Variants in C19orf44 observed in about 807,000 individuals in gnomAD.
C19orf44 encodes chromosome 19 open reading frame 44.
A neutral mutation model predicts 50.7 loss-of-function variants in C19orf44; 43 were observed. The ratio of observed to expected loss-of-function variants is 0.85; its 90% CI spans 0.66 to 1.09. C19orf44 has a LOEUF of 1.09. Among genes scored for constraint, C19orf44 ranks in the 50% least tolerant of loss-of-function variants. The pLI, the probability that C19orf44 is intolerant of heterozygous loss-of-function variation, is 0.00. For missense variants in C19orf44, 722 were observed against 836.2 expected (o/e 0.86, Z 1.68); for synonymous variants, 298 against 334.7 (o/e 0.89, Z 1.20).
chr19:16,520,397 G>C lies in C19orf44; in HGVS notation c.*344G>C. On this transcript the variant is annotated 3_prime_UTR_variant, in exon 9 of 9. Transcript: ENST00000221671. This position sits in a 1 kb window ranked among gnomAD's most constrained non-coding sequence, Gnocchi z 4.0. The stretch of plus-strand genomic sequence containing the variant: ...GGAGCGGGAGTAGGAACGGGAGCAG[G>C]AGCGCGACCTTGACCTTGAGTACGA... The C allele has an allele frequency of 6.2e-7, 1 of 1,614,130 alleles. No homozygotes were observed. The highest frequency in any genetic ancestry group is 1.1e-5 in the South Asian group (1 of 91,086).
rs766122582 is a variant in C19orf44, at chr19:16,509,993, GCCTTGGGGC to G, written c.1639+8_1639+16del. The G allele has an allele frequency of 2.8e-5, 45 of 1,614,088 alleles. No individual in the cohort carries two copies. Among genetic ancestry groups the G allele is most frequent in the Middle Eastern group, 3.3e-4 (2 of 6,084 alleles). ...TCACCTACGAGTGGACCAAGGGTAAGCCTTGGGGCCCGTGGGGGCCGGGGCAGCCGGGAC... is the reference window on the plus strand; with the variant it reads ...TCACCTACGAGTGGACCAAGGGTAAGCCGTGGGGGCCGGGGCAGCCGGGAC... On this transcript the variant is annotated splice_donor_region_variant and intron_variant, in intron 5 of 8. Coordinates refer to ENST00000221671, the MANE Select transcript of C19orf44 (RefSeq NM_032207.4).
chr19:16,503,880 TG>T (rs1343027298), intron 3 of C19orf44, among the ~76,000 whole-genome samples: 2 of 152,154 alleles, frequency 1.3e-5, no homozygotes, highest in East Asian at 3.9e-4. Context: ...ACTCATCTCT[TG>T]AGTCAATTTA....
intron 8 of C19orf44, among the ~76,000 whole-genome samples, chr19:16,517,692 T>C (rs924684102): frequency 2.0e-5 from 3 of 150,944 alleles, no homozygotes; most frequent in Admixed American, 2.0e-4. Flanking sequence ...GGTCCTGGCA[T>C]CCCAGTGAGC....
chr19:16,515,513 T>C lies in C19orf44; in HGVS notation c.1902+850T>C, dbSNP rs372233767. ...CTCCTTCAGACTCTTGTATGAACCA[T>C]AGTATGCGTATTTCTTTTTTTTAAA... On this transcript the variant is annotated intron_variant, in intron 7 of 8. Transcript: ENST00000221671. Among the ~76,000 whole-genome samples the C allele has an allele frequency of 4.6e-5, 7 of 152,244 alleles. No individual in the cohort carries two copies. The South Asian group carries it at 1.0e-3, about 23-fold the overall frequency.
Position 16,519,292 on chromosome 19 carries a change from C to T in C19orf44, c.*41-802C>T. ...GTCCCACTTATCCCGGACGTCCCCG[C>T]CCTTGATGGGGTCCTGGATCCCTTG... On this transcript the variant is annotated intron_variant, in intron 8 of 8. Coordinates refer to ENST00000221671, the MANE Select transcript of C19orf44 (RefSeq NM_032207.4). This position sits in a 1 kb window ranked among gnomAD's most constrained non-coding sequence, Gnocchi z 6.0. 1 of 1,613,992 alleles carries T rather than the reference C, an allele frequency of 6.2e-7. No individual in the cohort carries two copies. Among genetic ancestry groups the T allele is most frequent in the Non-Finnish European group, 8.5e-7 (1 of 1,180,020 alleles).
In C19orf44 at chr19:16,520,032, C is replaced by T. The variant is rs992212583; in HGVS notation, c.*41-62C>T. 24 of 1,088,860 alleles carry T rather than the reference C, an allele frequency of 2.2e-5. No homozygotes were observed. Among genetic ancestry groups the T allele is most frequent in the African/African-American group, 2.2e-4 (14 of 64,154 alleles). The allele number at this position is 1,088,860 out of a possible 1,614,324, so 67.4% of individuals were successfully genotyped here. On this transcript the variant is annotated intron_variant, in intron 8 of 8. Coordinates refer to ENST00000221671, the MANE Select transcript of C19orf44 (RefSeq NM_032207.4). This position sits in a 1 kb window ranked among gnomAD's most constrained non-coding sequence, Gnocchi z 4.0. ...GAAGGGTGAGGGGTGCCACTGTCCC[C>T]GGGCTAATGCTGGCGGCCTCCTAAC...
Position 16,519,531 on chromosome 19 carries a change from A to C in C19orf44, c.*41-563A>C, listed in dbSNP as rs2085586930. ...AACCGGCCTGACTCCATCCATCCCCACATGCACTGAGGAAGAGAAAGCGCT... is the reference window on the plus strand; with the variant it reads ...AACCGGCCTGACTCCATCCATCCCCCCATGCACTGAGGAAGAGAAAGCGCT... On this transcript the variant is annotated intron_variant, in intron 8 of 8. Coordinates refer to ENST00000221671, the MANE Select transcript of C19orf44 (RefSeq NM_032207.4). The surrounding 1 kb of genome is among the most constrained non-coding windows in gnomAD (Gnocchi z 6.0). 1 of 1,321,084 alleles carries C rather than the reference A, an allele frequency of 7.6e-7. No homozygotes were observed. Among genetic ancestry groups the C allele is most frequent in the African/African-American group, 1.4e-5 (1 of 68,972 alleles). 81.8% of individuals were successfully genotyped at this position (1,321,084 alleles called of 1,614,324 possible).
At chr19:16,505,158 C>T (rs1327530723) in intron 3 of C19orf44, among the ~76,000 whole-genome samples, 2 of 151,952 alleles carry the variant, frequency 1.3e-5, no homozygotes, top group Non-Finnish European at 2.9e-5. Context: ...ATCTGTTCTC[C>T]TCAGCCTCCC....
intron 7 of C19orf44, among the ~76,000 whole-genome samples, chr19:16,516,285 G>T (rs2093471537): frequency 1.3e-5 from 2 of 152,014 alleles, no homozygotes; most frequent in Non-Finnish European, 2.9e-5. Flanking sequence ...AAAAATACAA[G>T]AAAACTAGTT....
At chr19:16,517,448 G>GACAC (rs142142968) in intron 8 of C19orf44, 107 bp downstream of exon 8, 7 of 719,304 alleles carry the variant, frequency 9.7e-6, no homozygotes, top group African/African-American at 5.3e-5. Flanking sequence ...TGGGGTGATG[G>GACAC]ACACACACAC....
intron 2 of C19orf44, among the ~76,000 whole-genome samples, chr19:16,501,818 C>T (rs891559028): frequency 2.6e-5 from 4 of 151,408 alleles, no homozygotes; most frequent in African/African-American, 7.3e-5. Context: ...GTTGAACTTC[C>T]GATCTCAGGT....
rs183547698 is a variant in C19orf44, at chr19:16,505,724, C to T, written c.1076-977C>T. The stretch of plus-strand genomic sequence containing the variant: ...TTGAGACGGAGCCTTGCTCTGTCAC[C>T]CGGGCTGGAGTGCAGTGGCATGATC... On this transcript the variant is annotated intron_variant, in intron 3 of 8. Transcript: ENST00000221671. Among the ~76,000 whole-genome samples the T allele has an allele frequency of 1.8e-3, 271 of 152,162 alleles. 1 individual carries two copies. The highest frequency in any genetic ancestry group is 2.6e-3 in the Non-Finnish European group (176 of 68,000).
rs533848032 is a variant in C19orf44 at position 16,496,414 on chromosome 19, C to T, written c.-53C>T. 596 of 485,056 alleles carry T rather than the reference C, an allele frequency of 1.2e-3. 13 individuals carry two copies. The highest frequency in any genetic ancestry group is 0.011 in the South Asian group (471 of 44,514). 30.0% of individuals were successfully genotyped at this position (485,056 alleles called of 1,614,324 possible). On this transcript the variant is annotated 5_prime_UTR_variant, in exon 1 of 9. Coordinates refer to ENST00000221671, the MANE Select transcript of C19orf44 (RefSeq NM_032207.4). ...GCTCTGTTGCCCAGGGCAACCGCTCCTTCAGGCGTGAATGTGGCGGCTGCC... is the reference window on the plus strand; with the variant it reads ...GCTCTGTTGCCCAGGGCAACCGCTCTTTCAGGCGTGAATGTGGCGGCTGCC...
At chr19:16,513,440 G>A (rs906346552) in intron 6 of C19orf44, among the ~76,000 whole-genome samples, 1 of 152,132 alleles carries the variant, frequency 6.6e-6, no homozygotes, top group Non-Finnish European at 1.5e-5. Flanking sequence ...CTGGAGTGCA[G>A]TGGCGCGATC....
rs199951473 is a variant in C19orf44, at chr19:16,520,199, C to A, written c.*146C>A. On this transcript the variant is annotated 3_prime_UTR_variant, in exon 9 of 9. Transcript: ENST00000221671. The surrounding 1 kb of genome is among the most constrained non-coding windows in gnomAD (Gnocchi z 4.0). The stretch of plus-strand genomic sequence containing the variant: ...ACCGGCGTCTTCTTCCTGGGGAGTA[C>A]GACTTGGACCGGGACCGCGACTGGG... 7 of 1,613,274 alleles carry A rather than the reference C, an allele frequency of 4.3e-6. No homozygotes were observed. The Admixed American group carries it at 1.0e-4, about 23-fold the overall frequency.
At position 16,519,976 on chromosome 19, in the gene C19orf44, G is replaced by A. The variant is rs2085593560; in HGVS notation, c.*41-118G>A. ...GGTTAGAAAGCAGACCCCAGTTACTGCCTCAGGCTTCGCCAAGTGGCTACT... is the reference window on the plus strand; with the variant it reads ...GGTTAGAAAGCAGACCCCAGTTACTACCTCAGGCTTCGCCAAGTGGCTACT... On this transcript the variant is annotated intron_variant, in intron 8 of 8. Coordinates refer to ENST00000221671, the MANE Select transcript of C19orf44 (RefSeq NM_032207.4). The surrounding 1 kb of genome is among the most constrained non-coding windows in gnomAD (Gnocchi z 6.0). 3 of 732,062 alleles carry A rather than the reference G, an allele frequency of 4.1e-6. No individual in the cohort carries two copies. Among genetic ancestry groups the A allele is most frequent in the East Asian group, 2.6e-5 (1 of 38,660 alleles). The allele number at this position is 732,062 out of a possible 1,614,324, so 45.3% of individuals were successfully genotyped here. A position where few individuals can be genotyped will look rare whatever the true frequency, so the allele number is the denominator to read the frequency against.
chr19:16,513,444 C>T (rs777174669), intron 6 of C19orf44, among the ~76,000 whole-genome samples: 27 of 152,008 alleles, frequency 1.8e-4, no homozygotes, highest in Non-Finnish European at 2.8e-4. Flanking sequence ...AGTGCAGTGG[C>T]GCGATCTCCA....
Position 16,506,784 on chromosome 19 carries a change from AC to A in C19orf44, c.1149+11del. On this transcript the variant is annotated intron_variant, in intron 4 of 8. Coordinates refer to ENST00000221671, the MANE Select transcript of C19orf44 (RefSeq NM_032207.4). ...CGATTTGGAACAGGAAGTAAGTACA[AC>A]AAAGTCATTTTTCATGGTCGATTGT... 6.3e-7 allele frequency: 1 copy of A among 1,576,302 alleles called. No homozygotes were observed. The highest frequency in any genetic ancestry group is 2.2e-5 in the East Asian group (1 of 44,596).
chr19:16,512,735 G>A (rs2093461045), intron 5 of C19orf44, among the ~76,000 whole-genome samples: 1 of 151,896 alleles, frequency 6.6e-6, no homozygotes, highest in South Asian at 2.1e-4. Flanking sequence ...CAGGCGTGGT[G>A]GCGCACCTGT....
Sources: gnomAD v4.1 joint callset for allele counts (sites outside exome capture counted in the v4.1 genomes callset) on GRCh38, gnomAD v4.1.1 for gene constraint, Gnocchi (gnomAD v3.1) non-coding constraint, MANE v1.5 for transcripts, NCBI Gene and HGNC (gene_info 2026-07-23, HGNC 2026-07-21) for gene names.